Variants in SATL1 observed in about 807,000 individuals in gnomAD.
SATL1 encodes the protein spermidine/spermine N(1)-acetyltransferase-like protein 1.
In SATL1, 47 loss-of-function variants were observed where a neutral mutation model predicts 51.8. The observed-to-expected ratio is 0.91, with a 90% CI of 0.72 to 1.16. The LOEUF (loss-of-function observed/expected upper bound fraction) is 1.16, where lower values mean the gene tolerates loss of function less well. SATL1 is among the 50% of genes most tolerant of loss of function. SATL1 has a pLI of 0.00. For synonymous variants in SATL1, 176 were observed against 182.4 expected, an observed-to-expected ratio of 0.97 and a Z score of 0.28; for missense variants, 520 against 526.4, an observed-to-expected ratio of 0.99 and a Z score of 0.12.
intron 2 of SATL1, among the ~76,000 whole-genome samples, chrX:85,198,569 G>A: frequency 1.8e-5 from 2 of 111,229 alleles, no homozygotes; most frequent in Non-Finnish European, 3.8e-5. Context: ...ACATTTCTCT[G>A]ATGGTCAATG....
intron 2 of SATL1, among the ~76,000 whole-genome samples, chrX:85,142,334 T>C (rs1327899852): frequency 2.0e-5 from 2 of 99,903 alleles, no homozygotes; most frequent in African/African-American, 7.5e-5. Flanking sequence ...AGGAAGAGTT[T>C]GCAGTGAGCC....
At chrX:85,113,389 G>T (rs1481839802) in intron 2 of SATL1, among the ~76,000 whole-genome samples, 3 of 111,525 alleles carry the variant, frequency 2.7e-5, no homozygotes, top group Non-Finnish European at 3.8e-5. Context: ...GGTGCATGGG[G>T]TTGCTAGCTG....
intron 4 of SATL1, among the ~76,000 whole-genome samples, chrX:85,098,547 G>T (rs1924798778): frequency 1.8e-5 from 2 of 111,746 alleles, no homozygotes; most frequent in South Asian, 7.4e-4. Context: ...CTTTAGGATA[G>T]ATACATTAGG....
chrX:85,208,355 A>G (rs1311630595), intron 2 of SATL1, among the ~76,000 whole-genome samples: 2 of 111,745 alleles, frequency 1.8e-5, no homozygotes, highest in South Asian at 3.7e-4. Context: ...TAGTGCCGCA[A>G]TAAACATACG....
chrX:85,135,891 A>G (rs985068151), intron 2 of SATL1, among the ~76,000 whole-genome samples: 7 of 110,143 alleles, frequency 6.4e-5, no homozygotes, highest in African/African-American at 2.3e-4. Flanking sequence ...AGAGAGATAA[A>G]TCTAATGAAA....
chrX:85,208,429 C>T (rs1927836683), intron 2 of SATL1, among the ~76,000 whole-genome samples: 1 of 111,402 alleles, frequency 9.0e-6, no homozygotes, highest in Non-Finnish European at 1.9e-5. Flanking sequence ...AATAGGGTTG[C>T]CGGGCCAAAC....
chrX:85,173,623 C>A (rs1465829094), intron 2 of SATL1, among the ~76,000 whole-genome samples: 1 of 109,955 alleles, frequency 9.1e-6, no homozygotes, highest in Non-Finnish European at 1.9e-5. Context: ...TACAACTTTC[C>A]AAATTAGGAG....
At chrX:85,180,158 TAGTC>T (rs1414890044) in intron 2 of SATL1, among the ~76,000 whole-genome samples, 2 of 111,350 alleles carry the variant, frequency 1.8e-5, no homozygotes, top group East Asian at 2.8e-4. Context: ...AGGATTTAAA[TAGTC>T]AGCTTTTCTA....
At chrX:85,118,072 A>G (rs1340950580) in intron 2 of SATL1, among the ~76,000 whole-genome samples, 1 of 52,245 alleles carries the variant, frequency 1.9e-5, no homozygotes, top group Non-Finnish European at 4.9e-5. Context: ...TTTTGCAAAT[A>G]AAAAAAGAAC....
chrX:85,203,809 C>T (rs941692499), intron 2 of SATL1, among the ~76,000 whole-genome samples: 2 of 112,542 alleles, frequency 1.8e-5, no homozygotes, highest in Admixed American at 9.4e-5. Context: ...GGTGCAATGC[C>T]GCCACTGGTA....
chrX:85,132,781 T>C (rs1427645239), intron 2 of SATL1, among the ~76,000 whole-genome samples: 1 of 112,116 alleles, frequency 8.9e-6, no homozygotes, highest in Non-Finnish European at 1.9e-5. Flanking sequence ...CTCCTCATCT[T>C]TGTGGTTTTA....
chrX:85,142,116 G>A (rs1308253011), intron 2 of SATL1, among the ~76,000 whole-genome samples: 4 of 107,328 alleles, frequency 3.7e-5, no homozygotes, highest in Non-Finnish European at 7.7e-5. Context: ...TGAAGTAGAG[G>A]CCGGTCACGG....
At chrX:85,224,947 G>T (rs896498748) in intron 1 of SATL1, among the ~76,000 whole-genome samples, 1 of 110,673 alleles carries the variant, frequency 9.0e-6, no homozygotes, top group African/African-American at 3.3e-5. Flanking sequence ...ACAATAAAAA[G>T]AATGAGCTAT....
At chrX:85,137,383 T>C (rs1333417705) in intron 2 of SATL1, among the ~76,000 whole-genome samples, 3 of 111,415 alleles carry the variant, frequency 2.7e-5, no homozygotes, top group African/African-American at 6.5e-5. Context: ...ATGCTCTTCA[T>C]CTCTATTCTT....
intron 2 of SATL1, among the ~76,000 whole-genome samples, chrX:85,120,425 C>A (rs906098680): frequency 9.0e-6 from 1 of 111,014 alleles, no homozygotes; most frequent in Non-Finnish European, 1.9e-5. Flanking sequence ...TTCAGAGGAA[C>A]GTAATTTTGG....
chrX:85,155,207 C>T (rs1472605528), intron 2 of SATL1, among the ~76,000 whole-genome samples: 1 of 111,373 alleles, frequency 9.0e-6, no homozygotes, highest in Non-Finnish European at 1.9e-5. Flanking sequence ...AATTCCATAT[C>T]ACCATTTGAC....
chrX:85,143,977 G>T (rs1009367389), intron 2 of SATL1, among the ~76,000 whole-genome samples: 2 of 111,962 alleles, frequency 1.8e-5, no homozygotes, highest in African/African-American at 3.2e-5. Context: ...AATGGCCAAA[G>T]AAATAAGTGG....
intron 2 of SATL1, among the ~76,000 whole-genome samples, chrX:85,118,104 C>A (rs867676886): frequency 1.3e-4 from 3 of 22,608 alleles, no homozygotes; most frequent in Non-Finnish European, 2.7e-4. Flanking sequence ...TTTTTTTTTT[C>A]CAGAGTGCAG....
At chrX:85,095,676 A>G (rs1002909833) in intron 4 of SATL1, among the ~76,000 whole-genome samples, 1 of 104,610 alleles carries the variant, frequency 9.6e-6, no homozygotes, top group African/African-American at 3.5e-5. Context: ...AATACAAAAA[A>G]TTAGCCGGGC....
Sources: allele counts gnomAD v4.1 joint callset (sites outside exome capture counted in the v4.1 genomes callset), GRCh38; gene constraint gnomAD v4.1.1; transcripts MANE v1.5; gene names NCBI Gene and HGNC (gene_info 2026-07-23, HGNC 2026-07-21).